The following FOXJ3 variants were observed in gnomAD, a reference collection of about 807,000 sequenced individuals.
The protein encoded by FOXJ3 is forkhead box J3, also known as forkhead box protein J3.
FOXJ3 carries 22 observed loss-of-function variants against 76.1 expected under a neutral mutation model. The ratio of observed to expected loss-of-function variants is 0.29; its 90% CI spans 0.21 to 0.41. The LOEUF is 0.41. Ranked by LOEUF, FOXJ3 falls within the 10% of genes least tolerant of loss-of-function variation. The probability of loss-of-function intolerance (pLI) is 1.00; values close to 1 mark genes in which losing one functional copy is unlikely to be tolerated. For missense variants in FOXJ3, 613 were observed against 762.1 expected, an observed-to-expected ratio of 0.80 and a Z score of 2.30; for synonymous variants, 269 against 261.2, an observed-to-expected ratio of 1.03 and a Z score of -0.29.
At chr1:42,282,027 C>A (rs1652754285) in intron 2 of FOXJ3, among the ~76,000 whole-genome samples, 1 of 151,338 alleles carries the variant, frequency 6.6e-6, no homozygotes, top group Admixed American at 6.6e-5. Flanking sequence ...CCACTGCAAT[C>A]CAGCCTGGGC....
intron 5 of FOXJ3, among the ~76,000 whole-genome samples, chr1:42,209,038 G>T (rs1039059391): frequency 2.0e-5 from 3 of 152,172 alleles, no homozygotes; most frequent in Non-Finnish European, 4.4e-5. Context: ...CCAAAAAATT[G>T]TAAGCCAAAA....
At chr1:42,299,316 T>G (rs1022311305) in intron 2 of FOXJ3, among the ~76,000 whole-genome samples, 1 of 152,124 alleles carries the variant, frequency 6.6e-6, no homozygotes, top group Non-Finnish European at 1.5e-5. Flanking sequence ...ATATTTAGGA[T>G]AGTTAAATCT....
Position 42,278,029 on chromosome 1 carries a change from T to C in FOXJ3, c.369+319A>G, listed in dbSNP as rs139030097. Reference sequence around the variant, plus strand: ...GACTGATAAAGACAGTTAGTACTAGTTGCAATACTACGTTGTTTTTCACTT... The same window carrying C: ...GACTGATAAAGACAGTTAGTACTAGCTGCAATACTACGTTGTTTTTCACTT... On this transcript the variant is annotated intron_variant, in intron 3 of 12. Coordinates refer to ENST00000361346, the MANE Select transcript of FOXJ3 (RefSeq NM_014947.5). Among the ~76,000 whole-genome samples, 608 of 151,642 alleles carry C rather than the reference T, an allele frequency of 4.0e-3. 6 individuals are homozygous for C. Among genetic ancestry groups the C allele is most frequent in the African/African-American group, 0.014 (576 of 41,348 alleles).
intron 2 of FOXJ3, among the ~76,000 whole-genome samples, chr1:42,294,469 G>T (rs1416114147): frequency 1.3e-5 from 2 of 152,140 alleles, no homozygotes; most frequent in Non-Finnish European, 2.9e-5. Flanking sequence ...AAGAAGCCAT[G>T]AACTTGAGGC....
intron 2 of FOXJ3, chr1:42,280,209 G>T: frequency 1.9e-6 from 1 of 536,364 alleles, no homozygotes; most frequent in Non-Finnish European, 2.4e-6. Flanking sequence ...TATCTTGGGA[G>T]GGCACCAATG....
intron 4 of FOXJ3, among the ~76,000 whole-genome samples, chr1:42,234,400 C>G (rs974970165): frequency 6.6e-6 from 1 of 152,142 alleles, no homozygotes; most frequent in African/African-American, 2.4e-5. Context: ...TCTCTCAGCT[C>G]GTCAAAGTCA....
At chr1:42,208,626 G>A (rs1646905384) in intron 5 of FOXJ3, among the ~76,000 whole-genome samples, 1 of 152,168 alleles carries the variant, frequency 6.6e-6, no homozygotes, top group Non-Finnish European at 1.5e-5. Context: ...CTTAAGACCA[G>A]GAACAAGACA....
chr1:42,207,906 C>A lies in FOXJ3; in HGVS notation c.529-2043G>T, dbSNP rs140045605. 2.6e-5 allele frequency among the ~76,000 whole-genome samples: 4 copies of A among 152,254 alleles called. 1 individual carries two copies. The highest frequency in any genetic ancestry group is 9.6e-5 in the African/African-American group (4 of 41,546). The stretch of plus-strand genomic sequence containing the variant: ...ATTTATGCCTCAGTTTTGGTGCCAG[C>A]CAACCAAGCTATAATTAAGTTAACA... On this transcript the variant is annotated intron_variant, in intron 5 of 12. Coordinates refer to ENST00000361346, the MANE Select transcript of FOXJ3 (RefSeq NM_014947.5).
chr1:42,321,443 TAAG>T (rs552286401), intron 1 of FOXJ3, among the ~76,000 whole-genome samples: 63 of 152,286 alleles, frequency 4.1e-4, no homozygotes, highest in Middle Eastern at 3.4e-3. Flanking sequence ...GGACTGTTTC[TAAG>T]AAGACTTCTG....
intron 1 of FOXJ3, among the ~76,000 whole-genome samples, chr1:42,316,911 T>C (rs1483524567): frequency 2.0e-5 from 3 of 152,138 alleles, no homozygotes; most frequent in Admixed American, 6.5e-5. Flanking sequence ...AGACTACACA[T>C]TGGGTACAGT....
intron 4 of FOXJ3, among the ~76,000 whole-genome samples, chr1:42,262,249 T>C (rs1247497699): frequency 6.6e-6 from 1 of 152,176 alleles, no homozygotes; most frequent in East Asian, 1.9e-4. Flanking sequence ...ACTTTTCCCT[T>C]TAAGTTAGTT....
chr1:42,289,762 T>G (rs1246762887), intron 2 of FOXJ3, among the ~76,000 whole-genome samples: 1 of 152,164 alleles, frequency 6.6e-6, no homozygotes, highest in East Asian at 1.9e-4. Context: ...AGACCTTCCA[T>G]ACTGCTCATT....
At position 42,202,154 on chromosome 1, in the gene FOXJ3, T is replaced by A. The variant is rs72952316; in HGVS notation, c.631-2924A>T. 3.0e-3 allele frequency among the ~76,000 whole-genome samples: 460 copies of A among 152,328 alleles called. 3 individuals carry two copies. The highest frequency in any genetic ancestry group is 0.011 in the African/African-American group (445 of 41,566). ...GCTTTTTATTGCTGTATTTCCAAAT[T>A]TACTAATCTTTCCTTCTGTTTAGTC... On this transcript the variant is annotated intron_variant, in intron 6 of 12. Coordinates refer to ENST00000361346, the MANE Select transcript of FOXJ3 (RefSeq NM_014947.5).
In FOXJ3 at chr1:42,289,520, CA is replaced by C. The variant is rs1400562553; in HGVS notation, c.45-10849del. On this transcript the variant is annotated intron_variant, in intron 2 of 12. Coordinates refer to ENST00000361346, the MANE Select transcript of FOXJ3 (RefSeq NM_014947.5). ...AAAGACATGCTTATTTTCCCTTTGT[CA>C]AAAGTCTCCATAGTGTACAACATAT... Among the ~76,000 whole-genome samples the C allele has an allele frequency of 3.3e-5, 5 of 152,048 alleles. No individual in the cohort carries two copies. In the East Asian group the frequency reaches 9.6e-4, roughly 29 times the overall value.
chr1:42,313,284 C>T (rs1228852465), intron 1 of FOXJ3, among the ~76,000 whole-genome samples: 3 of 151,492 alleles, frequency 2.0e-5, no homozygotes, highest in Non-Finnish European at 2.9e-5. Flanking sequence ...TTGCAGTGAG[C>T]CAAGATCACA....
At chr1:42,315,967 T>C (rs2124766478) in intron 1 of FOXJ3, among the ~76,000 whole-genome samples, 1 of 152,324 alleles carries the variant, frequency 6.6e-6, no homozygotes, top group African/African-American at 2.4e-5. Flanking sequence ...ATACAAGCTA[T>C]TTACTGTATT....
intron 9 of FOXJ3, among the ~76,000 whole-genome samples, chr1:42,190,005 T>C (rs1646511395): frequency 1.3e-5 from 2 of 152,152 alleles, no homozygotes; most frequent in Non-Finnish European, 1.5e-5. Context: ...CCTGCCAAGG[T>C]AGCGAAGGAA....
intron 5 of FOXJ3, among the ~76,000 whole-genome samples, chr1:42,208,057 A>G (rs989654751): frequency 1.3e-5 from 2 of 152,188 alleles, no homozygotes; most frequent in Admixed American, 6.5e-5. Flanking sequence ...AACTTTTGTT[A>G]TCTGATTTCA....
intron 7 of FOXJ3, among the ~76,000 whole-genome samples, chr1:42,197,558 T>C (rs753003982): frequency 9.6e-4 from 146 of 152,126 alleles, no homozygotes; most frequent in Middle Eastern, 6.8e-3. Flanking sequence ...AAGTCCCTTA[T>C]ACAAAATGCT....
Sources: allele counts gnomAD v4.1 joint callset (sites outside exome capture counted in the v4.1 genomes callset), GRCh38; gene constraint gnomAD v4.1.1; transcripts MANE v1.5; gene names NCBI Gene and HGNC (gene_info 2026-07-23, HGNC 2026-07-21).